ATE1: variants seen among roughly 807,000 people sequenced by gnomAD.
ATE1 encodes the protein arginyl-tRNA--protein transferase 1.
In ATE1, 36 loss-of-function variants were observed where a neutral mutation model predicts 70.5. That is an observed-to-expected ratio of 0.51 (90% CI 0.39 to 0.67). The LOEUF (loss-of-function observed/expected upper bound fraction) is 0.67, where lower values mean the gene tolerates loss of function less well. ATE1 is among the 30% of genes least tolerant of loss of function. The probability of loss-of-function intolerance (pLI) is 0.00; values close to 1 mark genes in which losing one functional copy is unlikely to be tolerated. For synonymous variants in ATE1, 232 were observed against 219.3 expected, an observed-to-expected ratio of 1.06 and a Z score of -0.51; for missense variants, 593 against 629.5, an observed-to-expected ratio of 0.94 and a Z score of 0.62.
intron 11 of ATE1, among the ~76,000 whole-genome samples, chr10:121,786,496 C>T (rs187822865): frequency 6.6e-6 from 1 of 152,074 alleles, no homozygotes; most frequent in Admixed American, 6.5e-5. Flanking sequence ...TAGCAAAACT[C>T]CACCTCTACA....
chr10:121,927,072 T>TA lies in ATE1; in HGVS notation c.106+771dup, dbSNP rs571159309. 7.1e-5 allele frequency: 70 copies of TA among 985,422 alleles called. No individual in the cohort carries two copies. The African/African-American group carries it at 1.2e-3, about 17-fold the overall frequency. The allele number at this position is 985,422 out of a possible 1,614,324, so 61.0% of individuals were successfully genotyped here. On this transcript the variant is annotated intron_variant, in intron 1 of 11. Coordinates refer to ENST00000224652, the MANE Select transcript of ATE1 (RefSeq NM_001001976.3). ...AAGCTAGACTGTTCTATTAAAATAA[T>TA]AGAGTCTACATTCTATATTGGCAAA... is the stretch of plus-strand genomic sequence containing the variant.
intron 11 of ATE1, among the ~76,000 whole-genome samples, chr10:121,786,877 T>C (rs554582699): frequency 2.0e-5 from 3 of 152,312 alleles, no homozygotes; most frequent in African/African-American, 4.8e-5. Context: ...TATAGAACTT[T>C]TGAAATCTAT....
chr10:121,916,969 G>C (rs1951686355), intron 3 of ATE1, among the ~76,000 whole-genome samples: 1 of 151,992 alleles, frequency 6.6e-6, no homozygotes, highest in African/African-American at 2.4e-5. Flanking sequence ...TTCGAGACCA[G>C]CCTGGCCAAC....
intron 8 of ATE1, among the ~76,000 whole-genome samples, chr10:121,855,289 A>C (rs1949205802): frequency 1.3e-5 from 2 of 152,244 alleles, no homozygotes. Flanking sequence ...ACAAGACTGA[A>C]ACATGGTGCA....
intron 10 of ATE1, among the ~76,000 whole-genome samples, chr10:121,805,666 T>C (rs1947067269): frequency 6.6e-6 from 1 of 152,220 alleles, no homozygotes; most frequent in Non-Finnish European, 1.5e-5. Flanking sequence ...CAGCTTTTCA[T>C]TAAAAGAATG....
rs1310794337 is a variant in ATE1, at chr10:121,911,030, A to G, written c.459T>C (p.Ser153=). ...CTTCTTTCTTTGAATTTTTTCCTTC[A>G]CTCTCTAAACTCTCTTTGATGTCAT... ...LSDDIKESLE[S]EGKNSKKEEP... The change falls in exon 5 of 12, where the codon AGT becomes AGC. Residue 153 remains serine (S), a synonymous_variant. Coordinates refer to ENST00000224652, the MANE Select transcript of ATE1 (RefSeq NM_001001976.3). 6.2e-7 allele frequency: 1 copy of G among 1,613,312 alleles called. No homozygotes were observed. The highest frequency in any genetic ancestry group is 1.3e-5 in the African/African-American group (1 of 74,758).
At chr10:121,861,412 A>C (rs923149973) in intron 8 of ATE1, among the ~76,000 whole-genome samples, 2 of 152,046 alleles carry the variant, frequency 1.3e-5, no homozygotes, top group African/African-American at 4.8e-5. Context: ...TATGGCTGCA[A>C]TAAAAAATGA....
At chr10:121,881,870 T>C (rs1182654551) in intron 7 of ATE1, among the ~76,000 whole-genome samples, 1 of 152,164 alleles carries the variant, frequency 6.6e-6, no homozygotes, top group Admixed American at 6.5e-5. Flanking sequence ...CTCGGCTCAC[T>C]GCAAACTCCG....
chr10:121,924,423 G>A (rs901040057), intron 1 of ATE1, 94 bp from the exon 2 acceptor site: 18 of 1,192,856 alleles, frequency 1.5e-5, no homozygotes, highest in Admixed American at 5.2e-5. Context: ...GTGTGTGTCC[G>A]GGCACGGTGG....
intron 7 of ATE1, among the ~76,000 whole-genome samples, chr10:121,894,009 CGCCTGTAATCCCA>C (rs763008405): frequency 2.6e-5 from 4 of 151,878 alleles, no homozygotes; most frequent in Non-Finnish European, 5.9e-5. Context: ...TGGTGGCACA[CGCCTGTAATCCCA>C]GCTACTAGGT....
At chr10:121,852,958 G>A (rs979627730) in intron 8 of ATE1, among the ~76,000 whole-genome samples, 1 of 152,136 alleles carries the variant, frequency 6.6e-6, no homozygotes, top group African/African-American at 2.4e-5. Context: ...AGACACTAAA[G>A]ACAGGGGAAA....
Position 121,779,532 on chromosome 10 carries a change from T to C in ATE1, c.1378+10637A>G, listed in dbSNP as rs530028096. ...TCATCCTCTCCTAAGACAGGAAGGG[T>C]CTTTCTCTCTAAAACTAATCTTCCT... On this transcript the variant is annotated intron_variant, in intron 11 of 11. Transcript: ENST00000224652. Among the ~76,000 whole-genome samples, 3 of 152,230 alleles carry C rather than the reference T, an allele frequency of 2.0e-5. No individual in the cohort carries two copies. The South Asian group carries it at 6.2e-4, about 32-fold the overall frequency.
At chr10:121,756,959 A>C (rs571313750) in intron 11 of ATE1, among the ~76,000 whole-genome samples, 3 of 152,350 alleles carry the variant, frequency 2.0e-5, no homozygotes, top group Admixed American at 2.0e-4. Flanking sequence ...TCTCCTCAGA[A>C]AATGGGATTT....
intron 8 of ATE1, among the ~76,000 whole-genome samples, chr10:121,850,294 G>T (rs1348069692): frequency 1.3e-5 from 2 of 151,926 alleles, no homozygotes; most frequent in South Asian, 2.1e-4. Flanking sequence ...AAATTATTTA[G>T]CCCACTGGAG....
At chr10:121,880,072 A>G (rs1950179823) in intron 7 of ATE1, among the ~76,000 whole-genome samples, 1 of 152,036 alleles carries the variant, frequency 6.6e-6, no homozygotes, top group African/African-American at 2.4e-5. Context: ...GGAAACCACA[A>G]TAAAGACAAA....
chr10:121,847,897 C>T (rs911770328), intron 8 of ATE1, among the ~76,000 whole-genome samples: 34 of 151,598 alleles, frequency 2.2e-4, no homozygotes, highest in African/African-American at 7.8e-4. Flanking sequence ...CGGTGAAACC[C>T]CGTCTCTACT....
chr10:121,872,439 C>G (rs1949893734), intron 7 of ATE1, among the ~76,000 whole-genome samples: 1 of 152,192 alleles, frequency 6.6e-6, no homozygotes, highest in Admixed American at 6.5e-5. Flanking sequence ...CACACATTGA[C>G]ACTCCTATTC....
chr10:121,831,137 TTAG>T (rs1374424755), intron 10 of ATE1, among the ~76,000 whole-genome samples: 2 of 152,180 alleles, frequency 1.3e-5, no homozygotes. Flanking sequence ...AATACTAAGG[TTAG>T]TAGTATTACA....
chr10:121,821,579 C>T (rs750944258), intron 10 of ATE1, among the ~76,000 whole-genome samples: 3 of 152,008 alleles, frequency 2.0e-5, no homozygotes, highest in Non-Finnish European at 4.4e-5. Flanking sequence ...CTACAAAATG[C>T]AAATTAAAAC....
Sources: allele counts gnomAD v4.1 joint callset (sites outside exome capture counted in the v4.1 genomes callset), GRCh38; gene constraint gnomAD v4.1.1; transcripts MANE v1.5; gene names NCBI Gene and HGNC (gene_info 2026-07-23, HGNC 2026-07-21).